KIAA1549L: variants seen among roughly 807,000 people sequenced by gnomAD.
The protein encoded by KIAA1549L is KIAA1549 like, also known as UPF0606 protein KIAA1549L.
Under a neutral mutation model 160.7 loss-of-function variants are expected in KIAA1549L, and 88 were observed. That is an observed-to-expected ratio of 0.55 (90% confidence interval 0.46 to 0.65). KIAA1549L has a LOEUF of 0.65. Among genes scored for constraint, KIAA1549L ranks in the 30% least tolerant of loss-of-function variants. The pLI, the probability that KIAA1549L is intolerant of heterozygous loss-of-function variation, is 0.00. For missense variants in KIAA1549L, 2,258 were observed against 2,437.5 expected (o/e 0.93, Z 1.55); for synonymous variants, 950 against 976.7 (o/e 0.97, Z 0.51).
In KIAA1549L at chr11:33,618,517, G is replaced by A. The variant is rs1457777983; in HGVS notation, c.5280-16G>A. Reference sequence around the variant, plus strand: ...GGGCATTTGCTGCATCATAACAGTTGTTGAATTTTCTTCAGGCAACAGATG... The same window carrying A: ...GGGCATTTGCTGCATCATAACAGTTATTGAATTTTCTTCAGGCAACAGATG... On this transcript the variant is annotated splice_polypyrimidine_tract_variant and intron_variant, in intron 15 of 20. Coordinates refer to ENST00000658780, the MANE Select transcript of KIAA1549L (RefSeq NM_012194.3). 6.3e-7 allele frequency: 1 copy of A among 1,597,992 alleles called. No individual in the cohort carries two copies. The highest frequency in any genetic ancestry group is 1.1e-5 in the South Asian group (1 of 89,802).
intron 10 of KIAA1549L, among the ~76,000 whole-genome samples, chr11:33,575,514 G>A (rs1855416074): frequency 6.6e-6 from 1 of 152,198 alleles, no homozygotes; most frequent in South Asian, 2.1e-4. Context: ...TCTCATTGGG[G>A]CAGTGTTTAC....
chr11:33,482,296 A>G (rs1027136770), intron 1 of KIAA1549L, among the ~76,000 whole-genome samples: 6 of 151,372 alleles, frequency 4.0e-5, no homozygotes, highest in African/African-American at 7.3e-5. Context: ...TTTTTTCTTC[A>G]CAATTTTTAT....
Position 33,486,464 on chromosome 11 carries a change from C to T in KIAA1549L, c.239-55338C>T, listed in dbSNP as rs796704562. ...GTTTTTTATTTTGGCAAATTTTGTT[C>T]AGAGGAAATTCCTTGGGGCTACCCC... On this transcript the variant is annotated intron_variant, in intron 1 of 20. Transcript: ENST00000658780. Among the ~76,000 whole-genome samples the T allele has an allele frequency of 2.6e-4, 40 of 152,200 alleles. 1 individual carries two copies. Among genetic ancestry groups the T allele is most frequent in the African/African-American group, 8.2e-4 (34 of 41,518 alleles).
intron 1 of KIAA1549L, among the ~76,000 whole-genome samples, chr11:33,514,836 A>G (rs1853308073): frequency 6.6e-6 from 1 of 152,240 alleles, no homozygotes; most frequent in Admixed American, 6.5e-5. Flanking sequence ...TGGTAATAAT[A>G]TAAACTTGTC....
chr11:33,401,248 A>G (rs1850493764), intron 1 of KIAA1549L, among the ~76,000 whole-genome samples: 1 of 148,022 alleles, frequency 6.8e-6, no homozygotes, highest in South Asian at 2.1e-4. Context: ...AATATAGTAT[A>G]TATAAATACA....
At position 33,641,660 on chromosome 11, in the gene KIAA1549L, G is replaced by A. The variant is rs1284175552; in HGVS notation, c.5410-4026G>A. The stretch of plus-strand genomic sequence containing the variant: ...CACAGTGGGTAAGAGCTTAGGTGAC[G>A]GAATCAAACTGTCTGTGTTCAAATC... On this transcript the variant is annotated intron_variant, in intron 16 of 20. Coordinates refer to ENST00000658780, the MANE Select transcript of KIAA1549L (RefSeq NM_012194.3). 3.9e-5 allele frequency among the ~76,000 whole-genome samples: 5 copies of A among 127,462 alleles called. No homozygotes were observed. The Admixed American group carries it at 4.4e-4, about 11-fold the overall frequency. The allele number at this position is 127,462 out of a possible 152,430, so 83.6% of individuals were successfully genotyped here. A position where few individuals can be genotyped will look rare whatever the true frequency, so the allele number is the denominator to read the frequency against.
chr11:33,398,291 T>C (rs1031105790), intron 1 of KIAA1549L, among the ~76,000 whole-genome samples: 1 of 148,178 alleles, frequency 6.7e-6, no homozygotes, highest in Non-Finnish European at 1.5e-5. Context: ...AAAAAAAAGG[T>C]AACATCAGGC....
intron 11 of KIAA1549L, among the ~76,000 whole-genome samples, chr11:33,583,710 T>C (rs1481936072): frequency 6.6e-6 from 1 of 152,170 alleles, no homozygotes; most frequent in Non-Finnish European, 1.5e-5. Context: ...TCCAAGTGTT[T>C]TATATACAGC....
chr11:33,566,056 A>G (rs1455338088), intron 8 of KIAA1549L, among the ~76,000 whole-genome samples: 2 of 152,132 alleles, frequency 1.3e-5, no homozygotes, highest in African/African-American at 2.4e-5. Flanking sequence ...ACCTAACATA[A>G]AAGTTACCAT....
In KIAA1549L at chr11:33,550,366, T is replaced by A. The variant is rs192777985; in HGVS notation, c.3502-674T>A. Among the ~76,000 whole-genome samples the A allele has an allele frequency of 2.0e-3, 303 of 151,458 alleles. 7 individuals are homozygous for A. The highest frequency in any genetic ancestry group is 0.018 in the Admixed American group (268 of 15,228). On this transcript the variant is annotated intron_variant, in intron 4 of 20. Transcript: ENST00000658780. Reference sequence around the variant, plus strand: ...CAAATTAAAAAAAAACCCTGAACTGTAAATATGTAACACCAAGAAAGAAAA... The same window carrying A: ...CAAATTAAAAAAAAACCCTGAACTGAAAATATGTAACACCAAGAAAGAAAA...
At chr11:33,441,790 A>T (rs996481667) in intron 1 of KIAA1549L, among the ~76,000 whole-genome samples, 3 of 151,810 alleles carry the variant, frequency 2.0e-5, no homozygotes, top group Non-Finnish European at 1.5e-5. Flanking sequence ...TTGTAAATTT[A>T]TTTGAGTTCA....
At chr11:33,562,197 A>G (rs1854882173) in intron 8 of KIAA1549L, among the ~76,000 whole-genome samples, 1 of 152,192 alleles carries the variant, frequency 6.6e-6, no homozygotes, top group Admixed American at 6.5e-5. Flanking sequence ...TGGAAATAGA[A>G]AGGGGTTCTT....
chr11:33,439,252 A>G (rs1590245231), intron 1 of KIAA1549L, among the ~76,000 whole-genome samples: 1 of 152,006 alleles, frequency 6.6e-6, no homozygotes, highest in East Asian at 1.9e-4. Context: ...TTCTTTAACT[A>G]TGGTTTTTTA....
intron 1 of KIAA1549L, among the ~76,000 whole-genome samples, chr11:33,533,237 G>T (rs1853816176): frequency 6.6e-6 from 1 of 152,158 alleles, no homozygotes; most frequent in Admixed American, 6.5e-5. Flanking sequence ...TCTGAGTCTT[G>T]TGTACAAGAA....
In KIAA1549L at chr11:33,407,595, C is replaced by G. The variant is rs777355630; in HGVS notation, c.238+30706C>G. On this transcript the variant is annotated intron_variant, in intron 1 of 20. Transcript: ENST00000658780. ...AACTTGTGACCTCAAGTGATCTGCCCGCTTTGGCCTCCCAAATTGCTGGGA... is the reference window on the plus strand; with the variant it reads ...AACTTGTGACCTCAAGTGATCTGCCGGCTTTGGCCTCCCAAATTGCTGGGA... Among the ~76,000 whole-genome samples the G allele has an allele frequency of 1.6e-4, 24 of 152,184 alleles. No homozygotes were observed. The East Asian group carries it at 4.6e-3, about 29-fold the overall frequency.
At chr11:33,423,848 C>A (rs1349945620) in intron 1 of KIAA1549L, among the ~76,000 whole-genome samples, 1 of 152,070 alleles carries the variant, frequency 6.6e-6, no homozygotes, top group Non-Finnish European at 1.5e-5. Flanking sequence ...GGCAACATAG[C>A]GAGATGCTGT....
rs1852654954 is a variant in KIAA1549L at position 33,670,947 on chromosome 11, A to T, written c.*2793A>T. On this transcript the variant is annotated 3_prime_UTR_variant, in exon 21 of 21. Transcript: ENST00000658780. ...CTTTCCATCTCGCCATGTGGCCTGC[A>T]GGCTTGTCAGTAACACATTTCTTTA... 1 of 152,196 alleles carries T rather than the reference A, an allele frequency of 6.6e-6. No homozygotes were observed. Among genetic ancestry groups the T allele is most frequent in the South Asian group, 2.1e-4 (1 of 4,816 alleles). 9.4% of individuals were successfully genotyped at this position (152,196 alleles called of 1,614,324 possible).
intron 16 of KIAA1549L, among the ~76,000 whole-genome samples, chr11:33,633,508 G>A (rs951418762): frequency 1.3e-5 from 2 of 152,050 alleles, no homozygotes; most frequent in Non-Finnish European, 2.9e-5. Context: ...AGTGGATGGC[G>A]GGGAGAGCCT....
chr11:33,587,711 A>G (rs1849923643), intron 11 of KIAA1549L, among the ~76,000 whole-genome samples: 1 of 152,252 alleles, frequency 6.6e-6, no homozygotes, highest in South Asian at 2.1e-4. Context: ...AATCACCTGA[A>G]GTATCCAGTG....
Sources: gnomAD v4.1 joint callset for allele counts (sites outside exome capture counted in the v4.1 genomes callset) on GRCh38, gnomAD v4.1.1 for gene constraint, MANE v1.5 for transcripts, NCBI Gene and HGNC (gene_info 2026-07-23, HGNC 2026-07-21) for gene names.